Variants in NOS1AP observed in about 807,000 individuals in gnomAD.
NOS1AP encodes the protein nitric oxide synthase 1 adaptor protein.
Under a neutral mutation model 56.2 loss-of-function variants are expected in NOS1AP, and 21 were observed. The observed-to-expected ratio is 0.37, with a 90% CI of 0.26 to 0.54. NOS1AP has a LOEUF of 0.54. Among genes scored for constraint, NOS1AP ranks in the 20% least tolerant of loss-of-function variants. The pLI, the probability that NOS1AP is intolerant of heterozygous loss-of-function variation, is 0.84. For synonymous variants in NOS1AP, 270 were observed against 274.6 expected, an observed-to-expected ratio of 0.98 and a Z score of 0.17; for missense variants, 522 against 657.8, an observed-to-expected ratio of 0.79 and a Z score of 2.26.
chr1:162,265,061 C>T (rs1295942828), intron 2 of NOS1AP, among the ~76,000 whole-genome samples: 1 of 151,822 alleles, frequency 6.6e-6, no homozygotes, highest in African/African-American at 2.4e-5. Context: ...ATGATCCACC[C>T]ACCTTCGCTT....
chr1:162,363,332 A>G (rs906516051), intron 8 of NOS1AP: 2 of 152,658 alleles, frequency 1.3e-5, no homozygotes, highest in African/African-American at 4.8e-5. Context: ...AATGAACACC[A>G]GATGGAAGAG....
At chr1:162,183,809 G>A (rs1222931446) in intron 2 of NOS1AP, among the ~76,000 whole-genome samples, 1 of 152,224 alleles carries the variant, frequency 6.6e-6, no homozygotes, top group Non-Finnish European at 1.5e-5. Context: ...AGAATGTTGT[G>A]GCTGGTTTGA....
chr1:162,361,254 T>C (rs1657895359), intron 8 of NOS1AP, among the ~76,000 whole-genome samples: 1 of 150,018 alleles, frequency 6.7e-6, no homozygotes, highest in Non-Finnish European at 1.5e-5. Context: ...GCTTAATTCT[T>C]TGAAAGAAAA....
chr1:162,274,468 T>C lies in NOS1AP; in HGVS notation c.178-12876T>C, dbSNP rs1571181596. 2.0e-5 allele frequency among the ~76,000 whole-genome samples: 3 copies of C among 152,384 alleles called. No individual in the cohort carries two copies. In the East Asian group the frequency reaches 5.8e-4, roughly 29 times the overall value. ...ATGTGGCAACCCTAATTTCTTGTTA[T>C]TTCTGTCAGGTGCATCTACCATACA... is the stretch of plus-strand genomic sequence containing the variant. On this transcript the variant is annotated intron_variant, in intron 2 of 9. Coordinates refer to ENST00000361897, the MANE Select transcript of NOS1AP (RefSeq NM_014697.3).
intron 2 of NOS1AP, among the ~76,000 whole-genome samples, chr1:162,235,167 T>C (rs1653248033): frequency 6.6e-6 from 1 of 152,076 alleles, no homozygotes; most frequent in African/African-American, 2.4e-5. Context: ...CCAAGTGTTA[T>C]GAGGTTTAGA....
At chr1:162,112,428 G>A (rs1647746891) in intron 1 of NOS1AP, among the ~76,000 whole-genome samples, 1 of 152,170 alleles carries the variant, frequency 6.6e-6, no homozygotes, top group Non-Finnish European at 1.5e-5. Context: ...GGCTTTGACT[G>A]TGTAGCCTTG....
intron 4 of NOS1AP, among the ~76,000 whole-genome samples, chr1:162,329,189 TAGTA>T (rs1280246068): frequency 6.6e-6 from 1 of 152,174 alleles, no homozygotes; most frequent in Middle Eastern, 3.2e-3. Context: ...ACAGTTCTGT[TAGTA>T]AGTAAAAATT....
At chr1:162,096,699 T>C (rs1001050205) in intron 1 of NOS1AP, among the ~76,000 whole-genome samples, 6 of 152,234 alleles carry the variant, frequency 3.9e-5, no homozygotes, top group African/African-American at 1.4e-4. Flanking sequence ...TGATATAATA[T>C]GGTGCTTATT....
intron 4 of NOS1AP, chr1:162,317,315 C>T (rs1279254855): frequency 6.6e-6 from 1 of 152,182 alleles, no homozygotes; most frequent in Non-Finnish European, 1.5e-5. Flanking sequence ...TCCTCAGACT[C>T]AAACACTGTT....
chr1:162,178,291 A>T (rs926120812), intron 2 of NOS1AP, among the ~76,000 whole-genome samples: 13 of 152,212 alleles, frequency 8.5e-5, no homozygotes, highest in African/African-American at 3.1e-4. Flanking sequence ...GGAATTATGA[A>T]TAAAGCTGCC....
chr1:162,259,385 A>G (rs1046263116), intron 2 of NOS1AP, among the ~76,000 whole-genome samples: 1 of 152,146 alleles, frequency 6.6e-6, no homozygotes, highest in African/African-American at 2.4e-5. Context: ...TATAAATAAT[A>G]TTAGGATGCT....
chr1:162,147,950 G>T (rs1467139707), intron 1 of NOS1AP, among the ~76,000 whole-genome samples: 1 of 152,136 alleles, frequency 6.6e-6, no homozygotes, highest in Non-Finnish European at 1.5e-5. Context: ...ATGCAGGAAT[G>T]CTACAGAAGT....
chr1:162,239,938 T>C (rs1343955537), intron 2 of NOS1AP, among the ~76,000 whole-genome samples: 2 of 152,200 alleles, frequency 1.3e-5, no homozygotes, highest in South Asian at 2.1e-4. Flanking sequence ...CAACTAATAC[T>C]TGGGGACACA....
At chr1:162,275,493 A>G (rs1291787198) in intron 2 of NOS1AP, among the ~76,000 whole-genome samples, 4 of 152,202 alleles carry the variant, frequency 2.6e-5, no homozygotes, top group Non-Finnish European at 5.9e-5. Context: ...TATTTCTGGC[A>G]TAAGGTATGA....
At chr1:162,135,987 A>G (rs1648981048) in intron 1 of NOS1AP, among the ~76,000 whole-genome samples, 1 of 152,240 alleles carries the variant, frequency 6.6e-6, no homozygotes, top group African/African-American at 2.4e-5. Context: ...GGTGTATAAT[A>G]CAATTTAGAA....
chr1:162,165,205 C>T (rs1397698930), intron 2 of NOS1AP, among the ~76,000 whole-genome samples: 1 of 152,064 alleles, frequency 6.6e-6, no homozygotes, highest in South Asian at 2.1e-4. Flanking sequence ...CCTGTAATCC[C>T]AGCTACTCAG....
intron 4 of NOS1AP, among the ~76,000 whole-genome samples, chr1:162,302,671 T>C (rs1166734321): frequency 1.3e-5 from 2 of 152,210 alleles, no homozygotes; most frequent in African/African-American, 4.8e-5. Flanking sequence ...CATTGAGGTA[T>C]AATTGGCATG....
At chr1:162,327,794 C>T (rs554246672) in intron 4 of NOS1AP, among the ~76,000 whole-genome samples, 2 of 152,318 alleles carry the variant, frequency 1.3e-5, no homozygotes, top group Admixed American at 6.5e-5. Flanking sequence ...AGATCCCTCA[C>T]AAATGAGTTC....
chr1:162,341,956 A>G (rs1474904112), intron 5 of NOS1AP, among the ~76,000 whole-genome samples: 2 of 152,114 alleles, frequency 1.3e-5, no homozygotes, highest in Non-Finnish European at 2.9e-5. Context: ...GGGAGTGGGA[A>G]GTGTAGGGGC....
Sources: gnomAD v4.1 joint callset for allele counts (sites outside exome capture counted in the v4.1 genomes callset) on GRCh38, gnomAD v4.1.1 for gene constraint, MANE v1.5 for transcripts, NCBI Gene and HGNC (gene_info 2026-07-23, HGNC 2026-07-21) for gene names.